ATG9A: variants seen among roughly 807,000 people sequenced by gnomAD.
ATG9A encodes the protein autophagy-related protein 9A.
In ATG9A, 21 loss-of-function variants were observed where a neutral mutation model predicts 87.1. The ratio of observed to expected loss-of-function variants is 0.24; its 90% CI spans 0.17 to 0.35. The LOEUF (loss-of-function observed/expected upper bound fraction) is 0.35, where lower values mean the gene tolerates loss of function less well. ATG9A is among the 10% of genes least tolerant of loss of function. The pLI, the probability that ATG9A is intolerant of heterozygous loss-of-function variation, is 1.00. For synonymous variants in ATG9A, 422 were observed against 441.3 expected, an observed-to-expected ratio of 0.96 and a Z score of 0.55; for missense variants, 836 against 1,107.3, an observed-to-expected ratio of 0.76 and a Z score of 3.48.
Position 219,223,119 on chromosome 2 carries a change from G to C in ATG9A, c.1600-226C>G, listed in dbSNP as rs549203867. ...TTTTTTTTTTTTGAGATGGAGTCTC[G>C]CTCTGTCGCCCAGGCTGGATTGCAG... On this transcript the variant is annotated intron_variant, in intron 10 of 15. Coordinates refer to ENST00000361242, the MANE Select transcript of ATG9A (RefSeq NM_001077198.3). This position sits in a 1 kb window ranked among gnomAD's most constrained non-coding sequence, Gnocchi z 4.7. Among the ~76,000 whole-genome samples the C allele has an allele frequency of 7.1e-6, 1 of 141,726 alleles. No homozygotes were observed. Among genetic ancestry groups the C allele is most frequent in the African/African-American group, 2.7e-5 (1 of 37,230 alleles). 93.0% of individuals were successfully genotyped at this position (141,726 alleles called of 152,430 possible). A position where few individuals can be genotyped will look rare whatever the true frequency, so the allele number is the denominator to read the frequency against.
chr2:219,226,081 A>G (rs1036279796), intron 5 of ATG9A, among the ~76,000 whole-genome samples: 1 of 151,822 alleles, frequency 6.6e-6, no homozygotes, highest in Non-Finnish European at 1.5e-5. Flanking sequence ...TGTACGTTCC[A>G]TTGGAGCGTT....
At position 219,224,674 on chromosome 2, in the gene ATG9A, G is replaced by C. The variant is rs186635663; in HGVS notation, c.697C>G (p.Arg233Gly). ...VNKSLLPLRF[R>G]LPGLGEAVFF... ...ACAGCTTCCCCGAGGCCAGGCAGGC[G>C]GAAGCGCAGAGGCAGGAGGGATTTG... The change falls in exon 8 of 16, where the codon CGC becomes GGC. Residue 233 changes from arginine (R) to glycine (G), a missense_variant. Around this residue, in one of 2 missense-constraint regions of ATG9A, gnomAD observed 512 missense variants for 759.6 expected, o/e 0.67. Transcript: ENST00000361242. This position sits in a 1 kb window ranked among gnomAD's most constrained non-coding sequence, Gnocchi z 7.7. The C allele has an allele frequency of 6.2e-7, 1 of 1,614,246 alleles. No individual in the cohort carries two copies. The highest frequency in any genetic ancestry group is 8.5e-7 in the Non-Finnish European group (1 of 1,180,042).
chr2:219,224,743 G>A lies in ATG9A; in HGVS notation c.628C>T (p.His210Tyr). 1 of 1,614,230 alleles carries A rather than the reference G, an allele frequency of 6.2e-7. No homozygotes were observed. Residue 210 changes from histidine (H) to tyrosine (Y), a missense_variant, in exon 8 of 16, where the codon CAC (histidine) becomes TAC (tyrosine). By Grantham distance (83) the His-to-Tyr change is moderately conservative. Transcript: ENST00000361242. This position sits in a 1 kb window ranked among gnomAD's most constrained non-coding sequence, Gnocchi z 7.7. ...KRELTELDIY[H>Y]RILRFQNYMV... is the part of the protein sequence containing the mutation. ...TAGTTCTGGAAACGGAGGATGCGGT[G>A]GTAGATGTCCAGTTCTGTCAGCTCA...
rs1238803351 is a variant in ATG9A, at chr2:219,224,792, C to T, written c.579G>A (p.Glu193=). The T allele has an allele frequency of 6.2e-7, 1 of 1,614,194 alleles. No individual in the cohort carries two copies. The highest frequency in any genetic ancestry group is 2.2e-5 in the East Asian group (1 of 44,882). The change falls in exon 8 of 16, where the codon GAG becomes GAA. Residue 193 remains glutamate, a synonymous_variant. Coordinates refer to ENST00000361242, the MANE Select transcript of ATG9A (RefSeq NM_001077198.3). The surrounding 1 kb of genome is among the most constrained non-coding windows in gnomAD (Gnocchi z 7.7). ...CACGTTTGTGGATGCAGATCTGGTG[C>T]TCCTTCTGCGTCTGCACGATCCGGG... ...VQARIVQTQK[E]HQICIHKREL...
Position 219,224,663 on chromosome 2 carries a change from G to C in ATG9A, c.708C>G (p.Gly236=). ...SLLPLRFRLP[G]LGEAVFFTRG... is the part of the protein sequence containing the mutation. ...GGGTGAAGAAGACAGCTTCCCCGAG[G>C]CCAGGCAGGCGGAAGCGCAGAGGCA... The change falls in exon 8 of 16, where the codon GGC becomes GGG. Residue 236 remains glycine, a synonymous_variant. Coordinates refer to ENST00000361242, the MANE Select transcript of ATG9A (RefSeq NM_001077198.3). The surrounding 1 kb of genome is among the most constrained non-coding windows in gnomAD (Gnocchi z 7.7). The C allele has an allele frequency of 1.2e-6, 2 of 1,614,230 alleles. No individual in the cohort carries two copies.
intron 2 of ATG9A, 55 bp from the exon 3 acceptor site, chr2:219,228,108 G>A: frequency 7.8e-7 from 1 of 1,288,862 alleles, no homozygotes; most frequent in African/African-American, 1.5e-5. Flanking sequence ...CTGCCCATGG[G>A]CTGCCCTGCC....
In ATG9A at chr2:219,229,577, T is replaced by G. The variant is rs1231844705; in HGVS notation, c.-124A>C. On this transcript the variant is annotated 5_prime_UTR_variant, in exon 1 of 16. Transcript: ENST00000361242. This position sits in a 1 kb window ranked among gnomAD's most constrained non-coding sequence, Gnocchi z 4.2. Reference sequence around the variant, plus strand: ...GGGTGATTCCAGAGGCTCCGCCGGCTCCGCTCGGCTCGGCTCGGCTCGGCG... The same window carrying G: ...GGGTGATTCCAGAGGCTCCGCCGGCGCCGCTCGGCTCGGCTCGGCTCGGCG... 3 of 152,466 alleles carry G rather than the reference T, an allele frequency of 2.0e-5. No homozygotes were observed. Among genetic ancestry groups the G allele is most frequent in the African/African-American group, 4.8e-5 (2 of 41,324 alleles). The allele number at this position is 152,466 out of a possible 1,614,324, so 9.4% of individuals were successfully genotyped here.
chr2:219,221,531 C>A (rs1451963704), intron 13 of ATG9A, among the ~76,000 whole-genome samples: 3 of 152,156 alleles, frequency 2.0e-5, no homozygotes, highest in Non-Finnish European at 4.4e-5. Context: ...TTTACCTATT[C>A]ATTTGATTCA....
rs373749489 is a variant in ATG9A, at chr2:219,222,115, G to C, written c.2080C>G (p.Gln694Glu). 57 of 1,613,968 alleles carry C rather than the reference G, an allele frequency of 3.5e-5. No homozygotes were observed. The highest frequency in any genetic ancestry group is 4.7e-5 in the Non-Finnish European group (56 of 1,180,032). ...SGSSVWEGQL[Q>E]SLVLSEYAST... ...GCATATTCTGACAGCACCAGGCTCT[G>C]CAGCTGTCCTTCCCACACGCTGCTC... Residue 694 changes from glutamine to glutamate, a missense_variant, in exon 13 of 16, where the codon CAG becomes GAG. By Grantham distance (29) the Gln-to-Glu change is conservative. This residue lies in a region of ATG9A where 324 missense variants were observed against 347.6 expected (regional missense o/e 0.93). Coordinates refer to ENST00000361242, the MANE Select transcript of ATG9A (RefSeq NM_001077198.3). This position sits in a 1 kb window ranked among gnomAD's most constrained non-coding sequence, Gnocchi z 4.3.
At position 219,224,464 on chromosome 2, in the gene ATG9A, G is replaced by C. The variant is rs57664536; in HGVS notation, c.907C>G (p.Leu303Val). The change falls in exon 8 of 16, where the codon CTC (leucine) becomes GTC (valine). Residue 303 changes from leucine to valine, a missense_variant. Physicochemically the swap from Leu to Val is conservative, Grantham distance 32 (BLOSUM62 1). This residue lies in a region of ATG9A where 512 missense variants were observed against 759.6 expected (regional missense o/e 0.67). Coordinates refer to ENST00000361242, the MANE Select transcript of ATG9A (RefSeq NM_001077198.3). This position sits in a 1 kb window ranked among gnomAD's most constrained non-coding sequence, Gnocchi z 7.7. ...IGIANFLLCP[L>V]ILIWQILYAF... Reference sequence around the variant, plus strand: ...TAGAGGATTTGCCATATGAGGATGAGGGGGCACAGCAGGAAGTTAGCGATG... The same window carrying C: ...TAGAGGATTTGCCATATGAGGATGACGGGGCACAGCAGGAAGTTAGCGATG... 1 of 1,614,048 alleles carries C rather than the reference G, an allele frequency of 6.2e-7. No homozygotes were observed. The highest frequency in any genetic ancestry group is 8.5e-7 in the Non-Finnish European group (1 of 1,179,990).
In ATG9A at chr2:219,225,204, T is replaced by G. The variant is rs1950836871; in HGVS notation, c.383A>C (p.Glu128Ala). The G allele has an allele frequency of 6.2e-7, 1 of 1,614,088 alleles. No individual in the cohort carries two copies. Among genetic ancestry groups the G allele is most frequent in the African/African-American group, 1.3e-5 (1 of 74,936 alleles). The change falls in exon 7 of 16, where the codon GAA becomes GCA. Residue 128 changes from glutamate to alanine, a missense_variant. Transcript: ENST00000361242. ...PAQVCSARIQ[E>A]NGSLITILVI... ...CAGGATGGTGATAAGGGAGCCATTT[T>G]CCTGAATCCTGGTGGGGAAAAAGAA...
In ATG9A at chr2:219,225,484, T is replaced by A. The variant is rs756231746; in HGVS notation, c.301A>T (p.Ser101Cys). The A allele has an allele frequency of 3.7e-6, 6 of 1,614,024 alleles. No individual in the cohort carries two copies. In the African/African-American group the frequency reaches 6.7e-5, roughly 18 times the overall value. Residue 101 changes from serine to cysteine, a missense_variant, in exon 6 of 16, where the codon AGT (serine) becomes TGT (cysteine). Transcript: ENST00000361242. Reference sequence around the variant, plus strand: ...TTGACGGGTTCAGTAGGGTGAAGACTGTGGTTCACCATCTTGTTGGCAAAT... The same window carrying A: ...TTGACGGGTTCAGTAGGGTGAAGACAGTGGTTCACCATCTTGTTGGCAAAT... Reference protein sequence around the residue: ...ILFANKMVNHSLHPTEPVKVT... With the variant: ...ILFANKMVNHCLHPTEPVKVT...
chr2:219,220,353 G>C lies in ATG9A; in HGVS notation c.*94C>G, dbSNP rs537917341. On this transcript the variant is annotated 3_prime_UTR_variant, in exon 16 of 16. Transcript: ENST00000361242. The stretch of plus-strand genomic sequence containing the variant: ...CAAACACCACACACGTGGGGCCAGG[G>C]AACACTCAGAGGAGCCGTCCCATGG... 5.2e-5 allele frequency: 79 copies of C among 1,506,890 alleles called. 2 individuals are homozygous for C. The African/African-American group carries it at 6.6e-4, about 13-fold the overall frequency. 93.3% of individuals were successfully genotyped at this position (1,506,890 alleles called of 1,614,324 possible).
chr2:219,220,701 G>T (rs1306110407), intron 15 of ATG9A, 46 bp downstream of exon 15: 1 of 1,602,118 alleles, frequency 6.2e-7, no homozygotes, highest in Admixed American at 1.7e-5. Context: ...CCTCACCCTG[G>T]AAGTTACTAT....
At chr2:219,227,447 G>A (rs1950884565) in intron 4 of ATG9A, among the ~76,000 whole-genome samples, 1 of 152,184 alleles carries the variant, frequency 6.6e-6, no homozygotes, top group African/African-American at 2.4e-5. Flanking sequence ...AACCCAGGAG[G>A]TGGAGGTTGC....
Position 219,220,374 on chromosome 2 carries a change from C to T in ATG9A, c.*73G>A. On this transcript the variant is annotated 3_prime_UTR_variant, in exon 16 of 16. Transcript: ENST00000361242. Reference sequence around the variant, plus strand: ...CAGGGAACACTCAGAGGAGCCGTCCCATGGCAGGCAGACGGGATGGCAGGG... The same window carrying T: ...CAGGGAACACTCAGAGGAGCCGTCCTATGGCAGGCAGACGGGATGGCAGGG... 1 of 1,578,354 alleles carries T rather than the reference C, an allele frequency of 6.3e-7. No homozygotes were observed. The highest frequency in any genetic ancestry group is 8.7e-7 in the Non-Finnish European group (1 of 1,149,890).
chr2:219,222,228 C>G lies in ATG9A; in HGVS notation c.2027+44G>C, dbSNP rs1559243606. ...ACTTCTCTGAGACCCACACAAGCTG[C>G]TGAGGGCTGCCGTGCCCTCCCATCT... is the stretch of plus-strand genomic sequence containing the variant. On this transcript the variant is annotated intron_variant, in intron 12 of 15. Transcript: ENST00000361242. The surrounding 1 kb of genome is among the most constrained non-coding windows in gnomAD (Gnocchi z 4.3). The G allele has an allele frequency of 6.2e-7, 1 of 1,613,186 alleles. No homozygotes were observed. Among genetic ancestry groups the G allele is most frequent in the East Asian group, 2.2e-5 (1 of 44,888 alleles).
intron 5 of ATG9A, 77 bp downstream of exon 5, chr2:219,226,792 G>A: frequency 7.2e-7 from 1 of 1,385,646 alleles, no homozygotes; most frequent in Non-Finnish European, 1.0e-6. Flanking sequence ...TGGCAGGTTG[G>A]GCCAAGTGTG....
At position 219,223,792 on chromosome 2, in the gene ATG9A, C is replaced by G; in HGVS notation, c.1420-28G>C. On this transcript the variant is annotated intron_variant, in intron 9 of 15. Transcript: ENST00000361242. This position sits in a 1 kb window ranked among gnomAD's most constrained non-coding sequence, Gnocchi z 4.7. ...AAAAGGGCGGGACCAAGGTCACAAG[C>G]GAGCAGGAGGGAGCCCAGCCCTCAC... is the stretch of plus-strand genomic sequence containing the variant. 1.9e-6 allele frequency: 3 copies of G among 1,613,510 alleles called. No individual in the cohort carries two copies. The highest frequency in any genetic ancestry group is 2.5e-6 in the Non-Finnish European group (3 of 1,179,744).
Sources: allele counts gnomAD v4.1 joint callset (sites outside exome capture counted in the v4.1 genomes callset), GRCh38; gene constraint gnomAD v4.1.1; regional missense constraint gnomAD v4.1.1; non-coding constraint Gnocchi (gnomAD v3.1); transcripts MANE v1.5; gene names NCBI Gene and HGNC (gene_info 2026-07-23, HGNC 2026-07-21).